Variants in LMO7 observed in about 807,000 individuals in gnomAD.
LMO7 encodes the protein LIM domain only protein 7.
Under a neutral mutation model 206.5 loss-of-function variants are expected in LMO7, and 120 were observed. The ratio of observed to expected loss-of-function variants is 0.58; its 90% CI spans 0.50 to 0.68. The LOEUF (loss-of-function observed/expected upper bound fraction) is 0.68. LMO7 is among the 30% of genes least tolerant of loss of function. The pLI, the probability that LMO7 is intolerant of heterozygous loss-of-function variation, is 0.00. For synonymous variants in LMO7, 706 were observed against 681.5 expected (o/e 1.04, Z -0.56); for missense variants, 1,959 against 1,957.9 (o/e 1.00, Z -0.01).
chr13:75,632,861 A>ATTTTTTTTTTTTTTTTTTTTTTTTT (rs1339104269), upstream of LMO7, among the ~76,000 whole-genome samples: 3 of 30,558 alleles, frequency 9.8e-5, no homozygotes, highest in South Asian at 1.9e-3. Flanking sequence ...ATTACTTAAA[A>ATTTTTTTTTTTTTTTTTTTTTTTTT]GTTTTTTTTT....
At chr13:75,622,586 A>C (rs2033459102) in intron 1 of LMO7, among the ~76,000 whole-genome samples, 1 of 152,236 alleles carries the variant, frequency 6.6e-6, no homozygotes, top group Non-Finnish European at 1.5e-5. Context: ...CTATAAGTCT[A>C]GAGCTCTTTC....
chr13:75,685,598 C>T (rs983286075), intron 1 of LMO7, among the ~76,000 whole-genome samples: 2 of 142,220 alleles, frequency 1.4e-5, no homozygotes, highest in Admixed American at 1.4e-4. Flanking sequence ...CTCAGCTGCT[C>T]ATTGTTTATA....
intron 3 of LMO7, among the ~76,000 whole-genome samples, chr13:75,737,842 C>CAAAAAAAAAAAAAAAAAAAAAAAAAAAAA (rs768622923): frequency 2.6e-5 from 1 of 37,740 alleles, no homozygotes; most frequent in African/African-American, 1.2e-4. Context: ...AGGAAGCTGC[C>CAAAAAAAAAAAAAAAAAAAAAAAAAAAAA]AAAAAAAAAA....
chr13:75,760,665 G>C (rs1391841894), intron 3 of LMO7: 2 of 1,508,518 alleles, frequency 1.3e-6, no homozygotes, highest in Non-Finnish European at 1.8e-6. Flanking sequence ...TCCTGTAACA[G>C]GTAATGTTTA....
intron 2 of LMO7, among the ~76,000 whole-genome samples, chr13:75,725,735 G>C (rs952176737): frequency 3.3e-5 from 5 of 152,056 alleles, no homozygotes; most frequent in Non-Finnish European, 5.9e-5. Flanking sequence ...ATTGCGTTGA[G>C]AGAATGGTAT....
At chr13:75,737,792 A>AAC (rs1193597580) in intron 3 of LMO7, among the ~76,000 whole-genome samples, 4 of 125,802 alleles carry the variant, frequency 3.2e-5, no homozygotes, top group Admixed American at 1.5e-4. Context: ...TAAAAAAAAA[A>AAC]AAAAAAAAAC....
chr13:75,784,812 T>TTAATCTTGTACATGCTTGCTTTG (rs2052140134), intron 4 of LMO7, among the ~76,000 whole-genome samples: 1 of 152,204 alleles, frequency 6.6e-6, no homozygotes, highest in African/African-American at 2.4e-5. Context: ...ATTTTTCTAT[T>TTAATCTTGTACATGCTTGCTTTG]TAATCTTGTA....
intron 7 of LMO7, among the ~76,000 whole-genome samples, chr13:75,802,589 C>T (rs975644118): frequency 2.0e-5 from 3 of 152,198 alleles, no homozygotes; most frequent in Non-Finnish European, 4.4e-5. Context: ...AAGTCGTCTT[C>T]TCAGATCCTT....
At chr13:75,779,088 G>T (rs571850568) in intron 4 of LMO7, among the ~76,000 whole-genome samples, 2 of 152,256 alleles carry the variant, frequency 1.3e-5, no homozygotes, top group East Asian at 3.9e-4. Flanking sequence ...CTCAGCTTCT[G>T]ATGCTGAAAG....
intron 3 of LMO7, among the ~76,000 whole-genome samples, chr13:75,736,623 A>C (rs1292516626): frequency 6.6e-6 from 1 of 152,250 alleles, no homozygotes; most frequent in Non-Finnish European, 1.5e-5. Flanking sequence ...CTAGTGAAGG[A>C]GGGACGACAA....
intron 2 of LMO7, among the ~76,000 whole-genome samples, chr13:75,626,583 A>T (rs148482182): frequency 0.2 from 19,177 of 97,664 alleles, 3,596 homozygotes; most frequent in East Asian, 0.53. Context: ...TATATTATAT[A>T]TATATATATA....
chr13:75,825,163 A>T (rs116022856), intron 15 of LMO7, among the ~76,000 whole-genome samples: 197 of 152,264 alleles, frequency 1.3e-3, no homozygotes, highest in African/African-American at 4.5e-3. Context: ...GTAAATTATC[A>T]TTACATTTTT....
chr13:75,760,083 G>C (rs991787969), intron 3 of LMO7, among the ~76,000 whole-genome samples: 2 of 151,852 alleles, frequency 1.3e-5, no homozygotes, highest in Non-Finnish European at 2.9e-5. Flanking sequence ...GAGTAGTAGA[G>C]ATGAAGCCTA....
At chr13:75,726,666 T>C (rs2044501174) in intron 2 of LMO7, among the ~76,000 whole-genome samples, 1 of 152,094 alleles carries the variant, frequency 6.6e-6, no homozygotes, top group African/African-American at 2.4e-5. Flanking sequence ...TAGAAAATAG[T>C]ATTCTTTGGG....
intron 6 of LMO7, 60 bp downstream of exon 6, chr13:75,796,809 C>T (rs779977737): frequency 5.9e-6 from 6 of 1,025,450 alleles, no homozygotes; most frequent in Non-Finnish European, 9.2e-6. Flanking sequence ...GCTTTCCCTT[C>T]CTCCTCTCTT....
At chr13:75,685,836 C>G (rs1270037894) in intron 1 of LMO7, among the ~76,000 whole-genome samples, 1 of 151,234 alleles carries the variant, frequency 6.6e-6, no homozygotes, top group Non-Finnish European at 1.5e-5. Context: ...CATCAATTCA[C>G]TGGGAAATGA....
intron 2 of LMO7, among the ~76,000 whole-genome samples, chr13:75,626,595 A>ATATATATATTTTTTTTTTTTTTT: frequency 2.4e-4 from 17 of 71,162 alleles, no homozygotes; most frequent in South Asian, 4.8e-4. Flanking sequence ...ATATATATAA[A>ATATATATATTTTTTTTTTTTTTT]TTTTTTTGAG....
intron 1 of LMO7, among the ~76,000 whole-genome samples, chr13:75,699,403 GATT>G (rs1230163315): frequency 5.2e-5 from 6 of 115,346 alleles, no homozygotes; most frequent in East Asian, 6.1e-4. Context: ...CAAGATAGAA[GATT>G]TTTTTTTTTT....
At chr13:75,709,146 C>T (rs1252930961) in intron 1 of LMO7, among the ~76,000 whole-genome samples, 1 of 152,196 alleles carries the variant, frequency 6.6e-6, no homozygotes, top group East Asian at 1.9e-4. Context: ...TTTATGGCAG[C>T]ATAGTATTCC....
Sources: gnomAD v4.1 joint callset for allele counts (sites outside exome capture counted in the v4.1 genomes callset) on GRCh38, gnomAD v4.1.1 for gene constraint, MANE v1.5 for transcripts, NCBI Gene and HGNC (gene_info 2026-07-23, HGNC 2026-07-21) for gene names.